Variants in FILIP1L observed in about 807,000 individuals in gnomAD.
The protein encoded by FILIP1L is filamin A interacting protein 1 like.
In FILIP1L, 55 loss-of-function variants were observed where a neutral mutation model predicts 96.6. That is an observed-to-expected ratio of 0.57 (90% CI 0.46 to 0.71). The LOEUF is 0.71. Ranked by LOEUF, FILIP1L falls within the 30% of genes least tolerant of loss-of-function variation. FILIP1L has a pLI of 0.00. For missense variants in FILIP1L, 1,304 were observed against 1,321.2 expected (o/e 0.99, Z 0.20); for synonymous variants, 467 against 473.9 (o/e 0.99, Z 0.19).
chr3:99,981,134 A>G (rs908042199), intron 1 of FILIP1L, among the ~76,000 whole-genome samples: 22 of 152,160 alleles, frequency 1.4e-4, no homozygotes, highest in African/African-American at 5.3e-4. Flanking sequence ...GCATTGTGCC[A>G]CTGAGCCTCA....
chr3:99,987,089 C>T (rs1423148596), intron 1 of FILIP1L, among the ~76,000 whole-genome samples: 2 of 151,810 alleles, frequency 1.3e-5, no homozygotes, highest in Non-Finnish European at 2.9e-5. Flanking sequence ...AATTAGCCAA[C>T]CGTGGTGGCA....
At chr3:100,022,458 T>C (rs961041339) in intron 1 of FILIP1L, among the ~76,000 whole-genome samples, 13 of 152,198 alleles carry the variant, frequency 8.5e-5, no homozygotes, top group Non-Finnish European at 1.9e-4. Flanking sequence ...AGTTCAACAA[T>C]TGCACATCCC....
chr3:99,845,675 G>C (rs1220575331), intron 5 of FILIP1L, among the ~76,000 whole-genome samples: 2 of 151,968 alleles, frequency 1.3e-5, no homozygotes, highest in African/African-American at 2.4e-5. Flanking sequence ...AAAATTAAAG[G>C]CCAGAAATCT....
At chr3:100,095,046 A>T (rs919027049) in intron 1 of FILIP1L, among the ~76,000 whole-genome samples, 3 of 152,164 alleles carry the variant, frequency 2.0e-5, no homozygotes, top group African/African-American at 7.2e-5. Flanking sequence ...CCAGGCAGGC[A>T]TATTTGCATG....
chr3:99,956,215 A>G (rs925168362), intron 1 of FILIP1L, among the ~76,000 whole-genome samples: 1 of 151,690 alleles, frequency 6.6e-6, no homozygotes, highest in Non-Finnish European at 1.5e-5. Flanking sequence ...CTTCACAAAC[A>G]CCTTCACCTT....
intron 4 of FILIP1L, among the ~76,000 whole-genome samples, chr3:99,852,751 A>G (rs1341132269): frequency 2.0e-5 from 3 of 152,098 alleles, no homozygotes; most frequent in Admixed American, 6.6e-5. Flanking sequence ...CTGAGAGAAC[A>G]TTTTAAAAGG....
chr3:99,985,781 G>T (rs953441534), intron 1 of FILIP1L, among the ~76,000 whole-genome samples: 1 of 152,170 alleles, frequency 6.6e-6, no homozygotes, highest in African/African-American at 2.4e-5. Context: ...TAGAGATGGG[G>T]TTTCCCCATG....
intron 1 of FILIP1L, among the ~76,000 whole-genome samples, chr3:99,942,733 G>A (rs1707887634): frequency 6.6e-6 from 1 of 152,048 alleles, no homozygotes; most frequent in Admixed American, 6.5e-5. Flanking sequence ...GGAGGCTGAG[G>A]CAGGAGAATT....
chr3:100,048,094 C>T (rs1208593021), intron 1 of FILIP1L, among the ~76,000 whole-genome samples: 1 of 152,192 alleles, frequency 6.6e-6, no homozygotes, highest in Admixed American at 6.5e-5. Context: ...CAGCCACAAT[C>T]CAAGTCCACT....
rs116938558 is a variant in FILIP1L at position 99,872,565 on chromosome 3, C to T, written c.606-21495G>A. 4.3e-3 allele frequency among the ~76,000 whole-genome samples: 658 copies of T among 152,116 alleles called. 15 individuals carry two copies. Among genetic ancestry groups the T allele is most frequent in the East Asian group, 0.025 (130 of 5,182 alleles). On this transcript the variant is annotated intron_variant, in intron 4 of 5. Coordinates refer to ENST00000477258, the MANE Select transcript of FILIP1L (RefSeq NM_001387850.1). Reference sequence around the variant, plus strand: ...TACTCCTCTACTTACCTCCCTACTGCTCCCCTGCCTGCCCCCACAAACACA... The same window carrying T: ...TACTCCTCTACTTACCTCCCTACTGTTCCCCTGCCTGCCCCCACAAACACA...
At chr3:100,094,377 G>C (rs529097136) in intron 1 of FILIP1L, among the ~76,000 whole-genome samples, 1 of 152,182 alleles carries the variant, frequency 6.6e-6, no homozygotes, top group Non-Finnish European at 1.5e-5. Context: ...CCAATATCAA[G>C]ATATTATTTT....
At position 99,848,352 on chromosome 3, in the gene FILIP1L, G is replaced by T. The variant is rs1300957386; in HGVS notation, c.3324C>A (p.Thr1108=). The T allele has an allele frequency of 1.2e-6, 2 of 1,613,998 alleles. No individual in the cohort carries two copies. The highest frequency in any genetic ancestry group is 1.7e-6 in the Non-Finnish European group (2 of 1,180,014). Reference sequence around the variant, plus strand: ...CTGTTGGTGTGATAGTAATACTGCTGGTGACTTTATTGGTTGTTTTGTTTA... The same window carrying T: ...CTGTTGGTGTGATAGTAATACTGCTTGTGACTTTATTGGTTGTTTTGTTTA... The part of the protein sequence containing the change: ...GALNKTTNKV[T]SSITITPTAT... Residue 1108 remains threonine, a synonymous_variant, in exon 5 of 6, where the codon ACC becomes ACA. Coordinates refer to ENST00000477258, the MANE Select transcript of FILIP1L (RefSeq NM_001387850.1).
chr3:99,953,488 C>T (rs1192083769), intron 1 of FILIP1L, among the ~76,000 whole-genome samples: 1 of 152,078 alleles, frequency 6.6e-6, no homozygotes, highest in East Asian at 1.9e-4. Flanking sequence ...ATTATTATGT[C>T]CTAGGAAGGT....
intron 1 of FILIP1L, among the ~76,000 whole-genome samples, chr3:100,046,836 A>G (rs2065286213): frequency 6.6e-6 from 1 of 152,212 alleles, no homozygotes; most frequent in Non-Finnish European, 1.5e-5. Flanking sequence ...GTAAGTGCTC[A>G]GTGAGTGGTG....
In FILIP1L at chr3:100,092,556, T is replaced by C. The variant is rs908656815; in HGVS notation, c.-11+21497A>G. On this transcript the variant is annotated intron_variant, in intron 1 of 5. Coordinates refer to ENST00000477258, the MANE Select transcript of FILIP1L (RefSeq NM_001387850.1). ...TACCCTTGCATGTGTATATCTTGTA[T>C]TTGCATGCCCAGTACACATACCCCA... Among the ~76,000 whole-genome samples the C allele has an allele frequency of 7.9e-5, 12 of 151,172 alleles. No individual in the cohort carries two copies. In the Admixed American group the frequency reaches 7.9e-4, roughly 10 times the overall value.
intron 1 of FILIP1L, among the ~76,000 whole-genome samples, chr3:100,019,252 CG>C (rs1159284284): frequency 6.6e-5 from 10 of 152,080 alleles, no homozygotes; most frequent in African/African-American, 2.4e-4. Flanking sequence ...TTCAGCTACT[CG>C]GGAGGCTGAG....
chr3:100,039,976 A>G (rs2065176491), intron 1 of FILIP1L: 2 of 152,084 alleles, frequency 1.3e-5, no homozygotes, highest in South Asian at 4.2e-4. Context: ...GATGGTCTCG[A>G]TCTCTTGACC....
intron 1 of FILIP1L, among the ~76,000 whole-genome samples, chr3:99,966,107 A>C (rs1576606408): frequency 6.6e-6 from 1 of 152,342 alleles, no homozygotes; most frequent in African/African-American, 2.4e-5. Flanking sequence ...TTACAGGGAT[A>C]TCTCTCTCAC....
chr3:100,088,256 T>C (rs2066046724), intron 1 of FILIP1L, among the ~76,000 whole-genome samples: 1 of 152,192 alleles, frequency 6.6e-6, no homozygotes, highest in African/African-American at 2.4e-5. Context: ...ATCCCTTACC[T>C]AAACCAAAAG....
Sources: allele counts gnomAD v4.1 joint callset (sites outside exome capture counted in the v4.1 genomes callset), GRCh38; gene constraint gnomAD v4.1.1; transcripts MANE v1.5; gene names NCBI Gene and HGNC (gene_info 2026-07-23, HGNC 2026-07-21).